The following CDK6 variants were observed in gnomAD, a reference collection of about 807,000 sequenced individuals.
CDK6 encodes the protein cyclin dependent kinase 6.
A neutral mutation model predicts 37.1 loss-of-function variants in CDK6; 6 were observed. That is an observed-to-expected ratio of 0.16 (90% CI 0.09 to 0.32). The LOEUF (loss-of-function observed/expected upper bound fraction) is 0.32, where lower values mean the gene tolerates loss of function less well. Among genes scored for constraint, CDK6 ranks in the 10% least tolerant of loss-of-function variants. CDK6 has a pLI of 1.00. For synonymous variants in CDK6, 160 were observed against 161.3 expected (o/e 0.99, Z 0.06); for missense variants, 224 against 418.9 (o/e 0.53, Z 4.06).
chr7:92,783,837 T>C (rs558772229), intron 2 of CDK6, among the ~76,000 whole-genome samples: 1 of 152,296 alleles, frequency 6.6e-6, no homozygotes, highest in African/African-American at 2.4e-5. Flanking sequence ...CTATTTAGGA[T>C]GGCTTAATGG....
Position 92,833,553 on chromosome 7 carries a change from C to T in CDK6, c.-230G>A, listed in dbSNP as rs1801555105. On this transcript the variant is annotated 5_prime_UTR_variant, in exon 2 of 8. Transcript: ENST00000424848. This position sits in a 1 kb window ranked among gnomAD's most constrained non-coding sequence, Gnocchi z 6.1. ...CCCTGGTGCCGCCGCCGCGAAACTC[C>T]GCCTGCAGAGTCGCCGCCGCCGCCG... 1 of 545,372 alleles carries T rather than the reference C, an allele frequency of 1.8e-6. No homozygotes were observed. Among genetic ancestry groups the T allele is most frequent in the Non-Finnish European group, 3.2e-6 (1 of 315,286 alleles). The allele number at this position is 545,372 out of a possible 1,614,324, so 33.8% of individuals were successfully genotyped here.
intron 5 of CDK6, among the ~76,000 whole-genome samples, chr7:92,660,494 G>A (rs1262049594): frequency 6.6e-6 from 1 of 152,090 alleles, no homozygotes; most frequent in African/African-American, 2.4e-5. Context: ...GAATAGAGTT[G>A]GAGCCTTCTT....
At chr7:92,753,659 G>A (rs1562955913) in intron 3 of CDK6, among the ~76,000 whole-genome samples, 1 of 151,526 alleles carries the variant, frequency 6.6e-6, no homozygotes, top group Non-Finnish European at 1.5e-5. Context: ...CGCCCAGCTA[G>A]TAAGAAGACT....
At chr7:92,736,595 C>T (rs1473150230) in intron 3 of CDK6, among the ~76,000 whole-genome samples, 4 of 152,170 alleles carry the variant, frequency 2.6e-5, no homozygotes, top group Non-Finnish European at 5.9e-5. Flanking sequence ...GAAGTGCTTA[C>T]GTGTTTGTAC....
At chr7:92,714,335 CAAG>C (rs1585422012) in intron 4 of CDK6, among the ~76,000 whole-genome samples, 1 of 152,026 alleles carries the variant, frequency 6.6e-6, no homozygotes, top group Non-Finnish European at 1.5e-5. Context: ...CATGATTTTT[CAAG>C]AAGGAGCAAA....
intron 2 of CDK6, among the ~76,000 whole-genome samples, chr7:92,797,431 G>A (rs1024910264): frequency 1.3e-5 from 2 of 152,168 alleles, no homozygotes; most frequent in Non-Finnish European, 2.9e-5. Flanking sequence ...AGGTCGGGAT[G>A]AGTCTGTCAA....
At chr7:92,694,364 A>G (rs561257975) in intron 4 of CDK6, among the ~76,000 whole-genome samples, 5 of 152,198 alleles carry the variant, frequency 3.3e-5, no homozygotes, top group African/African-American at 7.2e-5. Flanking sequence ...TAAATTCTAC[A>G]TGCTCAGTGA....
chr7:92,675,971 C>T (rs943069758), intron 4 of CDK6, among the ~76,000 whole-genome samples: 1 of 151,752 alleles, frequency 6.6e-6, no homozygotes, highest in Non-Finnish European at 1.5e-5. Flanking sequence ...CTCTTTATAT[C>T]TGTCAGGTTT....
intron 4 of CDK6, among the ~76,000 whole-genome samples, chr7:92,692,970 T>A (rs1469098354): frequency 1.3e-5 from 2 of 152,178 alleles, no homozygotes; most frequent in Non-Finnish European, 2.9e-5. Context: ...TTTTACTCAC[T>A]TTCATCTCTG....
intron 2 of CDK6, among the ~76,000 whole-genome samples, chr7:92,799,563 T>C (rs1490344666): frequency 6.6e-6 from 1 of 152,044 alleles, no homozygotes; most frequent in Non-Finnish European, 1.5e-5. Flanking sequence ...CAGGGTCCTA[T>C]TTGCCAGTGA....
chr7:92,804,760 T>C lies in CDK6; in HGVS notation c.233+28331A>G, dbSNP rs560923557. 2.0e-5 allele frequency among the ~76,000 whole-genome samples: 3 copies of C among 152,306 alleles called. No individual in the cohort carries two copies. The East Asian group carries it at 5.8e-4, about 29-fold the overall frequency. On this transcript the variant is annotated intron_variant, in intron 2 of 7. Transcript: ENST00000424848. ...TTGTTGTGGGGAGCCATCCTGTGCA[T>C]TGCAGGATACTTAACATCAATAACC...
chr7:92,798,566 G>T (rs1800479536), intron 2 of CDK6, among the ~76,000 whole-genome samples: 1 of 152,182 alleles, frequency 6.6e-6, no homozygotes, highest in South Asian at 2.1e-4. Flanking sequence ...TTTATAAAAT[G>T]TCACCCTAAC....
intron 5 of CDK6, among the ~76,000 whole-genome samples, chr7:92,638,705 T>A (rs1189880751): frequency 6.6e-6 from 1 of 152,206 alleles, no homozygotes; most frequent in East Asian, 1.9e-4. Context: ...ATCACTTACC[T>A]ACTAAATTAT....
Position 92,605,962 on chromosome 7 carries a change from T to C in CDK6, c.*9178A>G. The C allele has an allele frequency of 4.3e-6, 1 of 233,646 alleles. No individual in the cohort carries two copies. Among genetic ancestry groups the C allele is most frequent in the Non-Finnish European group, 8.5e-6 (1 of 118,010 alleles). 14.5% of individuals were successfully genotyped at this position (233,646 alleles called of 1,614,324 possible). Reference sequence around the variant, plus strand: ...ATAAGACTGTGTCCCAGGCAGTGAATTTCCACACTGCTTCTTGGGTCTGCA... The same window carrying C: ...ATAAGACTGTGTCCCAGGCAGTGAACTTCCACACTGCTTCTTGGGTCTGCA... On this transcript the variant is annotated 3_prime_UTR_variant, in exon 8 of 8. Coordinates refer to ENST00000424848, the MANE Select transcript of CDK6 (RefSeq NM_001145306.2).
chr7:92,761,298 C>CA (rs1465482517), intron 3 of CDK6, among the ~76,000 whole-genome samples: 2 of 152,116 alleles, frequency 1.3e-5, no homozygotes, highest in Non-Finnish European at 2.9e-5. Context: ...CTCTCTCCTA[C>CA]ACACATATCT....
At chr7:92,666,360 G>T (rs1387668610) in intron 5 of CDK6, among the ~76,000 whole-genome samples, 1 of 152,162 alleles carries the variant, frequency 6.6e-6, no homozygotes, top group Non-Finnish European at 1.5e-5. Flanking sequence ...AGTGGGCCTG[G>T]CATACAACAG....
chr7:92,785,627 G>A lies in CDK6; in HGVS notation c.234-10796C>T, dbSNP rs189241981. Among the ~76,000 whole-genome samples, 602 of 152,298 alleles carry A rather than the reference G, an allele frequency of 4.0e-3. 6 individuals carry two copies. Among genetic ancestry groups the A allele is most frequent in the Non-Finnish European group, 5.3e-3 (359 of 68,026 alleles). On this transcript the variant is annotated intron_variant, in intron 2 of 7. Coordinates refer to ENST00000424848, the MANE Select transcript of CDK6 (RefSeq NM_001145306.2). ...ATACTTTGCCTAAAGTACAAAGACA[G>A]TAAGTAGTGGAGATGGGCTTTGAAA...
At position 92,833,149 on chromosome 7, in the gene CDK6, T is replaced by C. The variant is rs1801536037; in HGVS notation, c.175A>G (p.Ile59Val). ...TGEEGMPLST[I>V]REVAVLRHLE... ...TGCCTCAGCACCGCCACCTCGCGGA[T>C]GGTGGAGAGCGGCATGCCCTCCTCG... The change falls in exon 2 of 8, where the codon ATC (isoleucine) becomes GTC (valine). Residue 59 changes from isoleucine to valine, a missense_variant. This residue lies in a region of CDK6 where 82 missense variants were observed against 202.1 expected (regional missense o/e 0.41). Transcript: ENST00000424848. The surrounding 1 kb of genome is among the most constrained non-coding windows in gnomAD (Gnocchi z 6.1). The C allele has an allele frequency of 6.2e-7, 1 of 1,609,510 alleles. No individual in the cohort carries two copies. Among genetic ancestry groups the C allele is most frequent in the Non-Finnish European group, 8.5e-7 (1 of 1,178,626 alleles).
At chr7:92,674,291 C>CTT (rs1585388957) in intron 4 of CDK6, among the ~76,000 whole-genome samples, 3 of 152,182 alleles carry the variant, frequency 2.0e-5, no homozygotes, top group Admixed American at 6.5e-5. Flanking sequence ...CCAGCACCAC[C>CTT]CTGTTGCAGC....
Sources: gnomAD v4.1 joint callset for allele counts (sites outside exome capture counted in the v4.1 genomes callset) on GRCh38, gnomAD v4.1.1 for gene constraint, gnomAD v4.1.1 regional missense constraint, Gnocchi (gnomAD v3.1) non-coding constraint, MANE v1.5 for transcripts, NCBI Gene and HGNC (gene_info 2026-07-23, HGNC 2026-07-21) for gene names.